The following COL11A1 variants were observed in gnomAD, a reference collection of about 807,000 sequenced individuals.
COL11A1 encodes collagen alpha-1(XI) chain.
Under a neutral mutation model 265.2 loss-of-function variants are expected in COL11A1, and 74 were observed. The ratio of observed to expected loss-of-function variants is 0.28; its 90% CI spans 0.23 to 0.34. The LOEUF (loss-of-function observed/expected upper bound fraction) is 0.34. COL11A1 is among the 10% of genes least tolerant of loss of function. The pLI is 1.00. For synonymous variants in COL11A1, 816 were observed against 727.6 expected, an observed-to-expected ratio of 1.12 and a Z score of -1.96; for missense variants, 2,165 against 2,263.6, an observed-to-expected ratio of 0.96 and a Z score of 0.88.
rs148340131 is a variant in COL11A1, at chr1:102,912,935, G to A, written c.4032+702C>T. ...GGCCTTCCCAGCCATGCAGAATTGT[G>A]AGTCAATTAAACCTCTTTCCATTAT... On this transcript the variant is annotated intron_variant, in intron 53 of 66. Coordinates refer to ENST00000370096, the MANE Select transcript of COL11A1 (RefSeq NM_001854.4). Among the ~76,000 whole-genome samples, 7 of 152,306 alleles carry A rather than the reference G, an allele frequency of 4.6e-5. No homozygotes were observed. The East Asian group carries it at 1.3e-3, about 29-fold the overall frequency.
intron 36 of COL11A1, among the ~76,000 whole-genome samples, 178 bp from the exon 37 acceptor site, chr1:102,970,450 A>G (rs1661859090): frequency 6.6e-6 from 1 of 152,154 alleles, no homozygotes; most frequent in African/African-American, 2.4e-5. Context: ...ATAATTCTGT[A>G]GCTATAGCTG....
intron 4 of COL11A1, among the ~76,000 whole-genome samples, chr1:103,047,885 GT>G (rs1464517433): frequency 1.5e-4 from 23 of 152,260 alleles, no homozygotes; most frequent in South Asian, 4.1e-4. Flanking sequence ...CTTTGATTCT[GT>G]TTATATGCTG....
In COL11A1 at chr1:103,014,586, A is replaced by G. The variant is rs1174595453; in HGVS notation, c.1497T>C (p.Tyr499=). Residue 499 remains tyrosine, a synonymous_variant, in exon 13 of 67, where the codon TAT becomes TAC. Transcript: ENST00000370096. ...PGTMLMLPFR[Y]GGDGSKGPTI... ...TTGGTCCTTTGGAACCATCACCACC[A>G]TAACGGAACTTGGAAGAGATAACAT... is the stretch of plus-strand genomic sequence containing the variant. 2 of 1,613,450 alleles carry G rather than the reference A, an allele frequency of 1.2e-6. No homozygotes were observed. The highest frequency in any genetic ancestry group is 8.5e-7 in the Non-Finnish European group (1 of 1,179,598).
chr1:103,056,826 TG>T (rs144267671), intron 4 of COL11A1, among the ~76,000 whole-genome samples: 5,720 of 152,264 alleles, frequency 0.038, 367 homozygotes, highest in African/African-American at 0.13. Context: ...GTCTATTAAA[TG>T]TACAAAAACA....
intron 48 of COL11A1, among the ~76,000 whole-genome samples, chr1:102,920,882 G>A (rs1037152644): frequency 2.0e-5 from 3 of 152,122 alleles, no homozygotes; most frequent in African/African-American, 7.2e-5. Context: ...TGAAGAAAAT[G>A]AAGACCAGAG....
chr1:102,919,536 T>A (rs905646195), intron 49 of COL11A1, among the ~76,000 whole-genome samples: 2 of 152,016 alleles, frequency 1.3e-5, no homozygotes, highest in Non-Finnish European at 2.9e-5. Context: ...TTTCACTGCA[T>A]AATATATGAT....
chr1:103,093,379 G>A (rs1673480121), intron 1 of COL11A1, among the ~76,000 whole-genome samples: 1 of 152,070 alleles, frequency 6.6e-6, no homozygotes, highest in South Asian at 2.1e-4. Flanking sequence ...AAACCACTGA[G>A]GAGAAAGAAT....
chr1:102,979,319 AC>A (rs771178282), intron 32 of COL11A1, 62 bp downstream of exon 32: 3 of 1,363,638 alleles, frequency 2.2e-6, no homozygotes, highest in Non-Finnish European at 3.1e-6. Flanking sequence ...ATACAGGCAC[AC>A]ACCACTATGT....
At chr1:103,100,028 T>C (rs1471238742) in intron 1 of COL11A1, 1 of 151,866 alleles carries the variant, frequency 6.6e-6, no homozygotes, top group Non-Finnish European at 1.5e-5. Flanking sequence ...TGCTGTGTAT[T>C]TTGTCACCAT....
At chr1:103,046,452 G>T (rs957651117) in intron 4 of COL11A1, among the ~76,000 whole-genome samples, 10 of 151,722 alleles carry the variant, frequency 6.6e-5, no homozygotes, top group East Asian at 1.9e-4. Flanking sequence ...TGATGGGGTT[G>T]TTAGTTTTTT....
chr1:103,108,125 G>A lies in COL11A1; in HGVS notation c.54C>T (p.Thr18=), dbSNP rs776686564. The A allele has an allele frequency of 1.6e-5, 26 of 1,613,544 alleles. No individual in the cohort carries two copies. The South Asian group carries it at 1.8e-4, about 11-fold the overall frequency. ...GGAAGGTCAATGCGAGGGTTGTTACGGTGAAATCCCAGAGCCACCGTTTCG... is the reference window on the plus strand; with the variant it reads ...GGAAGGTCAATGCGAGGGTTGTTACAGTGAAATCCCAGAGCCACCGTTTCG... The part of the protein sequence containing the change: ...WKTKRWLWDF[T]VTTLALTFLF... The change falls in exon 1 of 67, where the codon ACC becomes ACT. Residue 18 remains threonine, a synonymous_variant. Transcript: ENST00000370096.
chr1:103,005,371 G>T (rs1665500797), intron 18 of COL11A1, among the ~76,000 whole-genome samples: 1 of 152,042 alleles, frequency 6.6e-6, no homozygotes, highest in South Asian at 2.1e-4. Flanking sequence ...CAAATTACAA[G>T]TTCTTGCCTT....
intron 13 of COL11A1, 114 bp downstream of exon 13, chr1:103,014,397 A>G (rs1666386979): frequency 3.4e-6 from 3 of 894,248 alleles, no homozygotes; most frequent in Non-Finnish European, 5.5e-6. Context: ...AGTTTAACAC[A>G]GTATTCGGAA....
At chr1:102,953,795 C>T (rs985011611) in intron 41 of COL11A1, among the ~76,000 whole-genome samples, 2 of 152,082 alleles carry the variant, frequency 1.3e-5, no homozygotes, top group African/African-American at 2.4e-5. Context: ...CTTTTTCCAC[C>T]ATTAATATGG....
chr1:103,048,416 G>A (rs2102108185), intron 4 of COL11A1, among the ~76,000 whole-genome samples: 1 of 152,190 alleles, frequency 6.6e-6, no homozygotes, highest in East Asian at 1.9e-4. Context: ...ATTTTCTGAT[G>A]GTAGTTTGTA....
At chr1:102,935,580 G>T (rs1234360771) in intron 44 of COL11A1, among the ~76,000 whole-genome samples, 1 of 152,146 alleles carries the variant, frequency 6.6e-6, no homozygotes, top group South Asian at 2.1e-4. Flanking sequence ...TTTCACATAT[G>T]CGTACACATG....
Position 102,920,317 on chromosome 1 carries a change from T to C in COL11A1, c.3756A>G (p.Gly1252=). ...PGSVGSVGGV[G]EKGEPGEAGN... is the part of the protein sequence containing the mutation. ...GTGTCACTAACATATTTACCTTTTC[T>C]CCAACACCACCAACTGAACCAACAG... The change falls in exon 49 of 67, where the codon GGA becomes GGG. Residue 1252 remains glycine (G), a synonymous_variant. Transcript: ENST00000370096. 1.2e-6 allele frequency: 2 copies of C among 1,613,240 alleles called. No individual in the cohort carries two copies. The highest frequency in any genetic ancestry group is 1.7e-6 in the Non-Finnish European group (2 of 1,179,294).
intron 2 of COL11A1, among the ~76,000 whole-genome samples, chr1:103,081,772 A>G (rs1221833391): frequency 6.6e-6 from 1 of 151,978 alleles, no homozygotes; most frequent in Non-Finnish European, 1.5e-5. Flanking sequence ...TAATATGAAG[A>G]ATTTAAATGA....
At chr1:103,015,198 T>C (rs1417099592) in intron 12 of COL11A1, among the ~76,000 whole-genome samples, 1 of 152,044 alleles carries the variant, frequency 6.6e-6, no homozygotes, top group Non-Finnish European at 1.5e-5. Flanking sequence ...TTGAAATTGA[T>C]AAATAAAATA....
Sources: gnomAD v4.1 joint callset for allele counts (sites outside exome capture counted in the v4.1 genomes callset) on GRCh38, gnomAD v4.1.1 for gene constraint, MANE v1.5 for transcripts, NCBI Gene and HGNC (gene_info 2026-07-23, HGNC 2026-07-21) for gene names.